AFF2: variants seen among roughly 807,000 people sequenced by gnomAD.
The protein encoded by AFF2 is AF4/FMR2 family member 2.
Under a neutral mutation model 76.9 loss-of-function variants are expected in AFF2, and 14 were observed. That is an observed-to-expected ratio of 0.18 (90% CI 0.12 to 0.28). AFF2 has a LOEUF of 0.28. Among genes scored for constraint, AFF2 ranks in the 10% least tolerant of loss-of-function variants. The probability of loss-of-function intolerance (pLI) is 1.00; values close to 1 mark genes in which losing one functional copy is unlikely to be tolerated. For synonymous variants in AFF2, 398 were observed against 366.7 expected (o/e 1.09, Z -0.98); for missense variants, 868 against 1,001.1 (o/e 0.87, Z 1.79).
intron 1 of AFF2, among the ~76,000 whole-genome samples, chrX:148,543,263 G>A (rs1557237746): frequency 1.8e-5 from 2 of 111,939 alleles, no homozygotes; most frequent in African/African-American, 6.5e-5. Context: ...AGACTAAAGA[G>A]CCCTGCTGAT....
At chrX:148,914,605 C>T (rs2071506602) in intron 9 of AFF2, among the ~76,000 whole-genome samples, 1 of 112,059 alleles carries the variant, frequency 8.9e-6, no homozygotes, top group Non-Finnish European at 1.9e-5. Flanking sequence ...GCTAATCCTT[C>T]TCTGTGGACT....
At position 148,752,583 on chromosome X, in the gene AFF2, C is replaced by T. The variant is rs565303642; in HGVS notation, c.1042-57293C>T. On this transcript the variant is annotated intron_variant, in intron 3 of 20. Transcript: ENST00000370460. ...CATTAGTATTGAATGAGCCACAGCA[C>T]GTCCCTGATTTATTTATGTTGTGTG... 7.2e-4 allele frequency among the ~76,000 whole-genome samples: 81 copies of T among 111,912 alleles called. 3 individuals are homozygous for T. In the South Asian group the frequency reaches 0.027, roughly 38 times the overall value.
At chrX:148,623,879 G>A (rs1234783296) in intron 1 of AFF2, among the ~76,000 whole-genome samples, 1 of 110,554 alleles carries the variant, frequency 9.0e-6, no homozygotes, top group African/African-American at 3.3e-5. Context: ...CTCTTTCAAC[G>A]TGAGGTTTCA....
chrX:148,656,194 G>A (rs781973894), intron 2 of AFF2, among the ~76,000 whole-genome samples: 40 of 112,012 alleles, frequency 3.6e-4, no homozygotes, highest in South Asian at 1.5e-3. Flanking sequence ...TGGTAATAGG[G>A]AACTTCTCTC....
intron 3 of AFF2, among the ~76,000 whole-genome samples, chrX:148,788,493 G>T (rs2069851503): frequency 8.9e-6 from 1 of 112,045 alleles, no homozygotes. Flanking sequence ...CCAACATTAT[G>T]TGTGCCAAGT....
intron 1 of AFF2, among the ~76,000 whole-genome samples, chrX:148,612,537 G>T (rs1448827058): frequency 8.9e-6 from 1 of 112,056 alleles, no homozygotes; most frequent in Non-Finnish European, 1.9e-5. Context: ...AACAGACACT[G>T]CATATGTGGG....
chrX:148,948,445 C>G (rs1439204561), intron 9 of AFF2, among the ~76,000 whole-genome samples: 1 of 111,893 alleles, frequency 8.9e-6, no homozygotes, highest in African/African-American at 3.3e-5. Flanking sequence ...AATTGGAAGA[C>G]ACCTTAAATT....
At chrX:148,952,720 G>A (rs73614040) in intron 9 of AFF2, among the ~76,000 whole-genome samples, 4,135 of 111,966 alleles carry the variant, frequency 0.037, 184 homozygotes, top group African/African-American at 0.13. Context: ...GTAGCAAATG[G>A]TGTCACTTTC....
rs782710326 is a variant in AFF2 at position 148,663,990 on chromosome X, CT to C, written c.1041+1224del. 3.5e-4 allele frequency among the ~76,000 whole-genome samples: 39 copies of C among 111,907 alleles called. 1 individual carries two copies. In the East Asian group the frequency reaches 5.1e-3, roughly 15 times the overall value. On this transcript the variant is annotated intron_variant, in intron 3 of 20. Coordinates refer to ENST00000370460, the MANE Select transcript of AFF2 (RefSeq NM_002025.4). ...CTTTTTGTATCATCATTCATCAAGT[CT>C]TGTCAAGCTTCCTCTTAAGTATCTC...
chrX:148,707,259 A>G (rs1223389173), intron 3 of AFF2, among the ~76,000 whole-genome samples: 2 of 111,133 alleles, frequency 1.8e-5, no homozygotes, highest in Non-Finnish European at 3.8e-5. Context: ...ATTTTTGAGG[A>G]GTTGAAATCG....
chrX:148,721,711 A>G (rs1388070235), intron 3 of AFF2, among the ~76,000 whole-genome samples: 1 of 112,110 alleles, frequency 8.9e-6, no homozygotes, highest in East Asian at 2.8e-4. Context: ...GGCTTAAATA[A>G]CAAACATTTA....
chrX:148,859,796 T>C (rs2124047221), intron 7 of AFF2, among the ~76,000 whole-genome samples: 1 of 111,377 alleles, frequency 9.0e-6, no homozygotes, highest in African/African-American at 3.2e-5. Flanking sequence ...CTGTTTTATG[T>C]CGTTTATTCT....
intron 2 of AFF2, among the ~76,000 whole-genome samples, chrX:148,660,283 T>C (rs1045927162): frequency 8.9e-6 from 1 of 111,782 alleles, no homozygotes; most frequent in African/African-American, 3.3e-5. Flanking sequence ...ATTCTCTCTC[T>C]GTTCCTTCTT....
chrX:148,582,249 A>G (rs1195628352), intron 1 of AFF2, among the ~76,000 whole-genome samples: 1 of 111,382 alleles, frequency 9.0e-6, no homozygotes, highest in Non-Finnish European at 1.9e-5. Flanking sequence ...TTAAGGTGGT[A>G]AGGTGATAGA....
At chrX:148,939,259 C>T (rs1405635783) in intron 9 of AFF2, among the ~76,000 whole-genome samples, 4 of 111,904 alleles carry the variant, frequency 3.6e-5, no homozygotes, top group African/African-American at 1.3e-4. Context: ...ATCACTTCCT[C>T]ATTGTTGTAC....
chrX:148,550,709 C>T (rs1465513048), intron 1 of AFF2, among the ~76,000 whole-genome samples: 2 of 111,061 alleles, frequency 1.8e-5, no homozygotes, highest in Admixed American at 1.9e-4. Context: ...CGAGGGGCAT[C>T]TGCGAATACG....
intron 1 of AFF2, among the ~76,000 whole-genome samples, chrX:148,564,468 GAA>G (rs5904241): frequency 1.1e-4 from 9 of 85,521 alleles, no homozygotes; most frequent in Admixed American, 1.3e-4. Context: ...CTCTTGATTT[GAA>G]AAAAAAAAAA....
At chrX:148,909,111 C>A (rs781787209) in intron 9 of AFF2, among the ~76,000 whole-genome samples, 4 of 111,982 alleles carry the variant, frequency 3.6e-5, no homozygotes, top group Admixed American at 9.4e-5. Flanking sequence ...TTTTAATGAG[C>A]CCTTATTGTG....
At chrX:148,598,311 T>TA (rs1246878706) in intron 1 of AFF2, among the ~76,000 whole-genome samples, 14 of 111,798 alleles carry the variant, frequency 1.3e-4, no homozygotes, top group Non-Finnish European at 1.9e-5. Flanking sequence ...ATGTGACCAA[T>TA]GGGAACACGA....
Sources: gnomAD v4.1 joint callset for allele counts (sites outside exome capture counted in the v4.1 genomes callset) on GRCh38, gnomAD v4.1.1 for gene constraint, MANE v1.5 for transcripts, NCBI Gene and HGNC (gene_info 2026-07-23, HGNC 2026-07-21) for gene names.